Variants in HECW1 observed in about 807,000 individuals in gnomAD.
The protein encoded by HECW1 is HECT, C2 and WW domain containing E3 ubiquitin protein ligase 1, also known as E3 ubiquitin-protein ligase HECW1.
In HECW1, 61 loss-of-function variants were observed where a neutral mutation model predicts 182.3. The ratio of observed to expected loss-of-function variants is 0.33; its 90% CI spans 0.27 to 0.41. The LOEUF (loss-of-function observed/expected upper bound fraction) is 0.41, where lower values mean the gene tolerates loss of function less well. Ranked by LOEUF, HECW1 falls within the 10% of genes least tolerant of loss-of-function variation. The pLI is 1.00. For missense variants in HECW1, 1,739 were observed against 2,108.9 expected (o/e 0.82, Z 3.44); for synonymous variants, 859 against 832.6 (o/e 1.03, Z -0.55).
intron 28 of HECW1, among the ~76,000 whole-genome samples, chr7:43,553,446 G>A (rs954188124): frequency 3.3e-5 from 5 of 152,094 alleles, no homozygotes; most frequent in Admixed American, 3.3e-4. Flanking sequence ...GGAAGACCAA[G>A]GCAGACAGAT....
intron 2 of HECW1, among the ~76,000 whole-genome samples, chr7:43,114,663 G>A (rs190495374): frequency 3.9e-4 from 59 of 152,244 alleles, no homozygotes; most frequent in African/African-American, 1.3e-3. Flanking sequence ...AATAATCCAC[G>A]TTCTGACTAA....
At chr7:43,262,247 C>CATGTGT (rs138190088) in intron 3 of HECW1, among the ~76,000 whole-genome samples, 1 of 149,486 alleles carries the variant, frequency 6.7e-6, no homozygotes, top group African/African-American at 2.5e-5. Context: ...TGTATGTGTG[C>CATGTGT]GTGTGTGTGT....
chr7:43,115,594 C>T (rs1784978190), intron 2 of HECW1, among the ~76,000 whole-genome samples: 2 of 152,166 alleles, frequency 1.3e-5, no homozygotes, highest in Non-Finnish European at 2.9e-5. Context: ...TTGCTTGTCA[C>T]AAAAATGGGT....
rs556864122 is a variant in HECW1 at position 43,121,112 on chromosome 7, C to T, written c.-32+6721C>T. Among the ~76,000 whole-genome samples the T allele has an allele frequency of 7.9e-4, 121 of 152,204 alleles. 1 individual carries two copies. The highest frequency in any genetic ancestry group is 2.7e-3 in the African/African-American group (111 of 41,504). ...CTTCCTGCCTGGACATTTTGTTGGT[C>T]CTGAACTTCCGTGTTTTTCTCCTGG... On this transcript the variant is annotated intron_variant, in intron 2 of 29. Transcript: ENST00000395891.
chr7:43,475,154 A>C (rs994145166), intron 16 of HECW1, among the ~76,000 whole-genome samples: 1 of 152,220 alleles, frequency 6.6e-6, no homozygotes, highest in African/African-American at 2.4e-5. Flanking sequence ...TGCCACAACA[A>C]CAAAAAAGGA....
intron 24 of HECW1, among the ~76,000 whole-genome samples, chr7:43,529,633 A>G (rs2080901264): frequency 6.6e-6 from 1 of 152,036 alleles, no homozygotes; most frequent in South Asian, 2.1e-4. Flanking sequence ...TGACCACTTC[A>G]ATTTCTCACC....
chr7:43,271,970 A>C (rs930438018), intron 3 of HECW1, among the ~76,000 whole-genome samples: 2 of 152,124 alleles, frequency 1.3e-5, no homozygotes, highest in Admixed American at 1.3e-4. Context: ...TACAGTAACC[A>C]AAACAGCACA....
At chr7:43,561,653 G>A (rs1259155492) in intron 29 of HECW1, among the ~76,000 whole-genome samples, 162 bp from the exon 30 acceptor site, 1 of 152,156 alleles carries the variant, frequency 6.6e-6, no homozygotes, top group African/African-American at 2.4e-5. Flanking sequence ...ATTCATTCTA[G>A]AGGAATGTGG....
At chr7:43,344,686 C>T (rs146187600) in intron 5 of HECW1, among the ~76,000 whole-genome samples, 3 of 152,096 alleles carry the variant, frequency 2.0e-5, no homozygotes, top group Non-Finnish European at 4.4e-5. Flanking sequence ...GTTTCTTGCT[C>T]TTTCGTCTAT....
intron 16 of HECW1, 58 bp from the exon 17 acceptor site, chr7:43,479,552 C>T (rs530220897): frequency 4.4e-6 from 7 of 1,606,560 alleles, no homozygotes; most frequent in Non-Finnish European, 6.0e-6. Flanking sequence ...ATATTACTGA[C>T]TCCATTTTGG....
rs557666164 is a variant in HECW1, at chr7:43,256,125, T to A, written c.27+12193T>A. ...GGTAACTCACGCTCTAGGTCCATAG[T>A]AGGCCCTCGTAAATGTTTTGAGATT... On this transcript the variant is annotated intron_variant, in intron 3 of 29. Transcript: ENST00000395891. Among the ~76,000 whole-genome samples the A allele has an allele frequency of 2.3e-3, 354 of 152,318 alleles. 2 individuals are homozygous for A. The highest frequency in any genetic ancestry group is 3.5e-3 in the Non-Finnish European group (241 of 68,034).
At chr7:43,173,854 T>G (rs965557578) in intron 2 of HECW1, among the ~76,000 whole-genome samples, 2 of 152,022 alleles carry the variant, frequency 1.3e-5, no homozygotes, top group African/African-American at 4.8e-5. Context: ...TGATTTTTTT[T>G]TTTTTTGGAG....
intron 18 of HECW1, among the ~76,000 whole-genome samples, chr7:43,492,870 A>G (rs953592667): frequency 1.3e-4 from 20 of 152,200 alleles, no homozygotes; most frequent in African/African-American, 4.6e-4. Context: ...ATTAACAGAG[A>G]TCTGGTTCAC....
chr7:43,241,658 GTGTT>G (rs1798898095), intron 2 of HECW1, among the ~76,000 whole-genome samples: 4 of 140,012 alleles, frequency 2.9e-5, no homozygotes, highest in African/African-American at 1.1e-4. Context: ...GTGTGTGTGT[GTGTT>G]TAATTAATTG....
At position 43,127,392 on chromosome 7, in the gene HECW1, G is replaced by A. The variant is rs181218619; in HGVS notation, c.-32+13001G>A. On this transcript the variant is annotated intron_variant, in intron 2 of 29. Coordinates refer to ENST00000395891, the MANE Select transcript of HECW1 (RefSeq NM_015052.5). ...TACAAAATTAGCCAGGTGTGGTGGCGCATGCCTGTAATCCCAGCTACTTGG... is the reference window on the plus strand; with the variant it reads ...TACAAAATTAGCCAGGTGTGGTGGCACATGCCTGTAATCCCAGCTACTTGG... Among the ~76,000 whole-genome samples the A allele has an allele frequency of 4.2e-4, 64 of 151,916 alleles. No individual in the cohort carries two copies. In the East Asian group the frequency reaches 6.4e-3, roughly 15 times the overall value.
intron 28 of HECW1, 104 bp downstream of exon 28, chr7:43,552,440 TA>T: frequency 1.3e-6 from 1 of 780,688 alleles, no homozygotes; most frequent in Non-Finnish European, 2.3e-6. Flanking sequence ...TAAAATTGAC[TA>T]AAGCGAACAA....
At chr7:43,335,618 T>C (rs1812021121) in intron 5 of HECW1, among the ~76,000 whole-genome samples, 1 of 152,248 alleles carries the variant, frequency 6.6e-6, no homozygotes. Context: ...ATGATATTTT[T>C]ATAGCAGTCC....
At chr7:43,396,444 T>C (rs1382415758) in intron 6 of HECW1, among the ~76,000 whole-genome samples, 3 of 152,224 alleles carry the variant, frequency 2.0e-5, no homozygotes, top group Non-Finnish European at 2.9e-5. Context: ...ATAATTACAA[T>C]AGTAAACATC....
chr7:43,517,896 T>C (rs1311208743), intron 24 of HECW1, among the ~76,000 whole-genome samples: 2 of 152,210 alleles, frequency 1.3e-5, no homozygotes, highest in Admixed American at 6.5e-5. Flanking sequence ...ATTCTGCCTG[T>C]CCTATTTCTG....
Sources: gnomAD v4.1 joint callset for allele counts (sites outside exome capture counted in the v4.1 genomes callset) on GRCh38, gnomAD v4.1.1 for gene constraint, MANE v1.5 for transcripts, NCBI Gene and HGNC (gene_info 2026-07-23, HGNC 2026-07-21) for gene names.